The following UNC5C variants were observed in gnomAD, a reference collection of about 807,000 sequenced individuals.
UNC5C encodes the protein netrin receptor UNC5C.
Under a neutral mutation model 99.8 loss-of-function variants are expected in UNC5C, and 47 were observed. The ratio of observed to expected loss-of-function variants is 0.47; its 90% CI spans 0.37 to 0.60. The LOEUF (loss-of-function observed/expected upper bound fraction) is 0.60. UNC5C is among the 20% of genes least tolerant of loss of function. UNC5C has a pLI of 0.00. For missense variants in UNC5C, 1,062 were observed against 1,165.9 expected, an observed-to-expected ratio of 0.91 and a Z score of 1.30; for synonymous variants, 487 against 452.2, an observed-to-expected ratio of 1.08 and a Z score of -0.98.
intron 1 of UNC5C, among the ~76,000 whole-genome samples, chr4:95,425,379 T>A (rs889308679): frequency 4.6e-5 from 7 of 152,258 alleles, no homozygotes; most frequent in Admixed American, 1.3e-4. Context: ...TGGAGTGCAG[T>A]GGCGCGATCT....
Position 95,191,147 on chromosome 4 carries a change from C to T in UNC5C, c.2137-5951G>A, listed in dbSNP as rs541378589. ...AGAGGCAGGAGGGAGGATACATCTGCGAGCCAAGCCACTCCTCCACTCTGG... is the reference window on the plus strand; with the variant it reads ...AGAGGCAGGAGGGAGGATACATCTGTGAGCCAAGCCACTCCTCCACTCTGG... On this transcript the variant is annotated intron_variant, in intron 12 of 15. Coordinates refer to ENST00000453304, the MANE Select transcript of UNC5C (RefSeq NM_003728.4). 5.3e-5 allele frequency among the ~76,000 whole-genome samples: 8 copies of T among 152,188 alleles called. No homozygotes were observed. The South Asian group carries it at 1.2e-3, about 24-fold the overall frequency.
chr4:95,208,921 A>G (rs1028532559), intron 10 of UNC5C, among the ~76,000 whole-genome samples: 2 of 152,342 alleles, frequency 1.3e-5, no homozygotes, highest in Admixed American at 6.5e-5. Flanking sequence ...TGAACACTCA[A>G]TGAATGGTAG....
chr4:95,513,273 C>A (rs561337364), intron 1 of UNC5C, among the ~76,000 whole-genome samples: 1 of 152,174 alleles, frequency 6.6e-6, no homozygotes, highest in Admixed American at 6.6e-5. Context: ...CTATTTACAT[C>A]TTGCAATGGG....
intron 2 of UNC5C, among the ~76,000 whole-genome samples, chr4:95,305,753 A>G (rs1742039776): frequency 6.6e-6 from 1 of 152,194 alleles, no homozygotes; most frequent in Non-Finnish European, 1.5e-5. Flanking sequence ...GAAAGTAATT[A>G]GCATGTTATT....
rs776906860 is a variant in UNC5C, at chr4:95,537,025, G to C, written c.124+11709C>G. Among the ~76,000 whole-genome samples, 79 of 152,124 alleles carry C rather than the reference G, an allele frequency of 5.2e-4. 1 individual carries two copies. Among genetic ancestry groups the C allele is most frequent in the Admixed American group, 4.6e-4 (7 of 15,274 alleles). ...ATGTATGAAAATCTATTAACATAGG[G>C]GGAAATCTCTGCCACCCCACTACGG... On this transcript the variant is annotated intron_variant, in intron 1 of 15. Transcript: ENST00000453304.
At chr4:95,179,973 G>GAAAGA (rs1553949960) in intron 14 of UNC5C, among the ~76,000 whole-genome samples, 1 of 149,780 alleles carries the variant, frequency 6.7e-6, no homozygotes, top group Non-Finnish European at 1.5e-5. Context: ...ATTGATGATA[G>GAAAGA]AAAGAAAATC....
At chr4:95,375,432 G>T (rs1014152769) in intron 1 of UNC5C, among the ~76,000 whole-genome samples, 11 of 152,028 alleles carry the variant, frequency 7.2e-5, no homozygotes, top group African/African-American at 2.7e-4. Context: ...CAAGAAATAC[G>T]TCAGTATTCC....
intron 1 of UNC5C, among the ~76,000 whole-genome samples, chr4:95,341,652 A>T (rs577702512): frequency 1.3e-5 from 2 of 152,280 alleles, no homozygotes; most frequent in Non-Finnish European, 2.9e-5. Flanking sequence ...CAGGAACATC[A>T]AATTGACTAT....
chr4:95,320,751 A>AT (rs1313896058), intron 2 of UNC5C, among the ~76,000 whole-genome samples: 1 of 152,032 alleles, frequency 6.6e-6, no homozygotes, highest in African/African-American at 2.4e-5. Flanking sequence ...ACACGATTTG[A>AT]TTTTTTCTCT....
At chr4:95,197,168 A>G (rs1190735549) in intron 12 of UNC5C, among the ~76,000 whole-genome samples, 1 of 145,694 alleles carries the variant, frequency 6.9e-6, no homozygotes, top group Non-Finnish European at 1.5e-5. Flanking sequence ...ATCTATCCAC[A>G]TGGATAATAT....
At position 95,199,668 on chromosome 4, in the gene UNC5C, G is replaced by A. The variant is rs184328012; in HGVS notation, c.2136+3063C>T. On this transcript the variant is annotated intron_variant, in intron 12 of 15. Coordinates refer to ENST00000453304, the MANE Select transcript of UNC5C (RefSeq NM_003728.4). ...TGCATGTATTTGTGTGTGTTTATTGGGAAAACAAGGTGGCTGAGGAGAGAA... is the reference window on the plus strand; with the variant it reads ...TGCATGTATTTGTGTGTGTTTATTGAGAAAACAAGGTGGCTGAGGAGAGAA... Among the ~76,000 whole-genome samples, 18 of 151,950 alleles carry A rather than the reference G, an allele frequency of 1.2e-4. No individual in the cohort carries two copies. The East Asian group carries it at 3.3e-3, about 28-fold the overall frequency.
In UNC5C at chr4:95,522,950, T is replaced by C. The variant is rs189757784; in HGVS notation, c.124+25784A>G. On this transcript the variant is annotated intron_variant, in intron 1 of 15. Coordinates refer to ENST00000453304, the MANE Select transcript of UNC5C (RefSeq NM_003728.4). ...AAAGTGCCCCACAGTTGCAGGCACATTTTCTAGAAAATTACAGTGTGTTTC... is the reference window on the plus strand; with the variant it reads ...AAAGTGCCCCACAGTTGCAGGCACACTTTCTAGAAAATTACAGTGTGTTTC... 2.3e-3 allele frequency among the ~76,000 whole-genome samples: 319 copies of C among 137,436 alleles called. 2 individuals carry two copies. Among genetic ancestry groups the C allele is most frequent in the African/African-American group, 7.4e-3 (294 of 39,992 alleles). The allele number at this position is 137,436 out of a possible 152,430, so 90.2% of individuals were successfully genotyped here.
chr4:95,428,234 A>C (rs1228957425), intron 1 of UNC5C, among the ~76,000 whole-genome samples: 1 of 152,088 alleles, frequency 6.6e-6, no homozygotes, highest in African/African-American at 2.4e-5. Flanking sequence ...ACATGTAACT[A>C]TTACGAGATT....
chr4:95,521,055 A>G (rs1201112470), intron 1 of UNC5C, among the ~76,000 whole-genome samples: 1 of 151,990 alleles, frequency 6.6e-6, no homozygotes, highest in East Asian at 1.9e-4. Context: ...GCAGCTTAAA[A>G]CAACATTTAT....
intron 2 of UNC5C, among the ~76,000 whole-genome samples, chr4:95,303,267 C>G (rs1741940140): frequency 6.6e-6 from 1 of 152,218 alleles, no homozygotes; most frequent in Non-Finnish European, 1.5e-5. Context: ...CCATGCCAAA[C>G]TCACTGAATA....
At chr4:95,282,919 G>A (rs2149396086) in intron 3 of UNC5C, among the ~76,000 whole-genome samples, 1 of 152,238 alleles carries the variant, frequency 6.6e-6, no homozygotes, top group East Asian at 1.9e-4. Context: ...ACTCGCCTCG[G>A]GGGAAGAGGG....
chr4:95,387,811 A>T (rs1166484754), intron 1 of UNC5C, among the ~76,000 whole-genome samples: 1 of 152,168 alleles, frequency 6.6e-6, no homozygotes, highest in Non-Finnish European at 1.5e-5. Context: ...ACTTGTAATA[A>T]CCTGATTATT....
intron 14 of UNC5C, among the ~76,000 whole-genome samples, chr4:95,179,410 T>TTAA (rs1491318603): frequency 2.6e-5 from 4 of 152,198 alleles, no homozygotes; most frequent in Non-Finnish European, 4.4e-5. Context: ...AATATAAAAC[T>TTAA]TAATTATAAT....
intron 14 of UNC5C, among the ~76,000 whole-genome samples, chr4:95,179,150 A>G (rs1368009053): frequency 6.6e-6 from 1 of 152,178 alleles, no homozygotes; most frequent in African/African-American, 2.4e-5. Flanking sequence ...ATGGGTGATG[A>G]CACACATATT....
Sources: gnomAD v4.1 joint callset for allele counts (sites outside exome capture counted in the v4.1 genomes callset) on GRCh38, gnomAD v4.1.1 for gene constraint, MANE v1.5 for transcripts, NCBI Gene and HGNC (gene_info 2026-07-23, HGNC 2026-07-21) for gene names.